Variants in UACA observed in about 807,000 individuals in gnomAD.
The protein encoded by UACA is uveal autoantigen with coiled-coil domains and ankyrin repeats.
UACA carries 112 observed loss-of-function variants against 160.5 expected under a neutral mutation model. The observed-to-expected ratio is 0.70, with a 90% CI of 0.60 to 0.82. UACA has a LOEUF of 0.82. Ranked by LOEUF, UACA falls within the 40% of genes least tolerant of loss-of-function variation. UACA has a pLI of 0.00. For synonymous variants in UACA, 557 were observed against 568.4 expected, an observed-to-expected ratio of 0.98 and a Z score of 0.29; for missense variants, 1,574 against 1,614.6, an observed-to-expected ratio of 0.97 and a Z score of 0.43.
At chr15:70,777,237 T>C in the UACA span, among the ~76,000 whole-genome samples, 1 of 151,998 alleles carries the variant, frequency 6.6e-6, no homozygotes, top group Non-Finnish European at 1.5e-5. Flanking sequence ...TGGAGAGGGT[T>C]GTGGGGAGGA....
At chr15:70,757,825 G>C (rs114266108) in intron 1 of UACA, among the ~76,000 whole-genome samples, 1,663 of 152,250 alleles carry the variant, frequency 0.011, 27 homozygotes, top group African/African-American at 0.039. Flanking sequence ...CTTGGAGTTG[G>C]CTCCAGAGTC....
chr15:70,763,453 G>A lies in UACA; in HGVS notation c.-46C>T. The A allele has an allele frequency of 7.8e-7, 1 of 1,281,916 alleles. No homozygotes were observed. The highest frequency in any genetic ancestry group is 9.9e-7 in the Non-Finnish European group (1 of 1,005,330). 79.4% of individuals were successfully genotyped at this position (1,281,916 alleles called of 1,614,324 possible). On this transcript the variant is annotated 5_prime_UTR_variant, in exon 1 of 19. Coordinates refer to ENST00000322954, the MANE Select transcript of UACA (RefSeq NM_018003.4). ...CCGCGCGAACCTTAAAGGCTGCGGA[G>A]TGCCAGCGCGCAAGGAGTAGACGGC...
At position 70,669,246 on chromosome 15, in the gene UACA, C is replaced by T; in HGVS notation, c.1438G>A (p.Glu480Lys). ...KVAECKALAL[E>K]CERVKEDSDE... is the part of the protein sequence containing the mutation. ...GAATCCTCCTTGACCCTTTCACATT[C>T]TAATGCTAAAGCTTTGCATTCTGCC... Residue 480 changes from glutamate to lysine, a missense_variant, in exon 16 of 19, where the codon GAA (glutamate) becomes AAA (lysine). Physicochemically the swap from Glu to Lys is moderately conservative, Grantham distance 56. Transcript: ENST00000322954. The T allele has an allele frequency of 6.2e-7, 1 of 1,614,076 alleles. No homozygotes were observed. The highest frequency in any genetic ancestry group is 8.5e-7 in the Non-Finnish European group (1 of 1,179,986).
At chr15:70,771,804 C>A in the UACA span, among the ~76,000 whole-genome samples, 1 of 146,954 alleles carries the variant, frequency 6.8e-6, no homozygotes, top group East Asian at 1.9e-4. Context: ...CAGAACACTC[C>A]AGGCAAAGAA....
rs569518309 is a variant in UACA, at chr15:70,703,955, G to A, written c.79-4295C>T. On this transcript the variant is annotated intron_variant, in intron 1 of 18. Transcript: ENST00000322954. ...CAGACCTCTACATCTAAACGGCCCCGTGTCCCACTCTACCCCACCACTCTT... is the reference window on the plus strand; with the variant it reads ...CAGACCTCTACATCTAAACGGCCCCATGTCCCACTCTACCCCACCACTCTT... Among the ~76,000 whole-genome samples, 21 of 152,078 alleles carry A rather than the reference G, an allele frequency of 1.4e-4. No homozygotes were observed. The East Asian group carries it at 3.1e-3, about 22-fold the overall frequency.
At chr15:70,675,546 G>A (rs1040687073) in intron 13 of UACA, among the ~76,000 whole-genome samples, 11 of 152,054 alleles carry the variant, frequency 7.2e-5, no homozygotes, top group African/African-American at 1.9e-4. Flanking sequence ...ACCAAACGGC[G>A]GTCTCTATTC....
intron 17 of UACA, 188 bp from the exon 18 acceptor site, chr15:70,660,404 G>A (rs889537653): frequency 2.9e-5 from 15 of 523,034 alleles, no homozygotes; most frequent in Non-Finnish European, 6.8e-6. Flanking sequence ...CTTCTGTAAA[G>A]AATGTGTGGC....
the UACA span, among the ~76,000 whole-genome samples, chr15:70,772,259 C>T: frequency 2.6e-5 from 4 of 151,754 alleles, no homozygotes; most frequent in Admixed American, 1.3e-4. Context: ...TTTGGGAGGC[C>T]GAGGCGGGTG....
At chr15:70,755,984 C>G (rs2030403488) in intron 1 of UACA, among the ~76,000 whole-genome samples, 1 of 152,160 alleles carries the variant, frequency 6.6e-6, no homozygotes, top group African/African-American at 2.4e-5. Flanking sequence ...TATGTGCCCC[C>G]ACAGCAATTT....
upstream of UACA, among the ~76,000 whole-genome samples, chr15:70,766,672 G>A (rs1339263094): frequency 6.6e-6 from 1 of 152,114 alleles, no homozygotes; most frequent in Non-Finnish European, 1.5e-5. Flanking sequence ...AGTTTAACTG[G>A]ACAATCGCTT....
At chr15:70,678,902 A>T (rs1481065352) in intron 10 of UACA, among the ~76,000 whole-genome samples, 1 of 152,186 alleles carries the variant, frequency 6.6e-6, no homozygotes, top group African/African-American at 2.4e-5. Flanking sequence ...TACATTAATG[A>T]TCATTTTTAA....
At chr15:70,772,153 C>A in the UACA span, among the ~76,000 whole-genome samples, 1 of 152,138 alleles carries the variant, frequency 6.6e-6, no homozygotes, top group Non-Finnish European at 1.5e-5. Flanking sequence ...AGCTGCCTCA[C>A]TGGTAGACTG....
intron 1 of UACA, among the ~76,000 whole-genome samples, chr15:70,738,246 A>C (rs1207122692): frequency 6.6e-6 from 1 of 151,764 alleles, no homozygotes; most frequent in Non-Finnish European, 1.5e-5. Context: ...CTATTATAAT[A>C]ATCTATTAAT....
chr15:70,752,178 C>T (rs1404879319), intron 1 of UACA, among the ~76,000 whole-genome samples: 1 of 144,388 alleles, frequency 6.9e-6, no homozygotes, highest in Non-Finnish European at 1.5e-5. Context: ...GCAGAGGTTG[C>T]GGCGAGCCAA....
chr15:70,738,607 C>CATGGCTTTAAAACATGGTTTTAAAACATG (rs1415901286), intron 1 of UACA, among the ~76,000 whole-genome samples: 2 of 152,118 alleles, frequency 1.3e-5, no homozygotes, highest in East Asian at 3.9e-4. Flanking sequence ...CTTTAATTTT[C>CATGGCTTTAAAACATGGTTTTAAAACATG]ATGGCTTTAA....
Position 70,666,953 on chromosome 15 carries a change from T to C in UACA, c.3731A>G (p.Asn1244Ser), listed in dbSNP as rs527950551. The change falls in exon 16 of 19, where the codon AAT (asparagine) becomes AGT (serine). Residue 1244 changes from asparagine to serine, a missense_variant. By Grantham distance (46) the Asn-to-Ser change is conservative. Transcript: ENST00000322954. ...TCTATTCAGATTGGCCAATTTTTCA[T>C]TTAAGCTAGAAATCTGTGTCTCCAA... ...SDLETQISSL[N>S]EKLANLNRKY... 4.3e-6 allele frequency: 7 copies of C among 1,612,524 alleles called. No homozygotes were observed. In the African/African-American group the frequency reaches 5.3e-5, roughly 12 times the overall value.
At chr15:70,658,696 AC>A (rs938984229) in intron 18 of UACA, among the ~76,000 whole-genome samples, 1 of 151,740 alleles carries the variant, frequency 6.6e-6, no homozygotes, top group Non-Finnish European at 1.5e-5. Flanking sequence ...AAAATACCGC[AC>A]CCCCTCCCAA....
chr15:70,686,848 T>C (rs1264092610), intron 7 of UACA, among the ~76,000 whole-genome samples: 1 of 152,148 alleles, frequency 6.6e-6, no homozygotes, highest in Admixed American at 6.6e-5. Flanking sequence ...AAGGGGTGTG[T>C]TTCAGATACT....
rs1184179132 is a variant in UACA at position 70,678,176 on chromosome 15, C to T, written c.922G>A (p.Glu308Lys). The T allele has an allele frequency of 6.8e-6, 11 of 1,611,314 alleles. No individual in the cohort carries two copies. Among genetic ancestry groups the T allele is most frequent in the Non-Finnish European group, 9.3e-6 (11 of 1,179,338 alleles). The stretch of plus-strand genomic sequence containing the variant: ...TCTTGCTGAATTTTTCTCAACCTCT[C>T]TTTCAAATCTTCATTTTCAATCTCC... ...DLEIENEDLK[E>K]RLRKIQQEQR... Residue 308 changes from glutamate (E) to lysine (K), a missense_variant, in exon 11 of 19, where the codon GAG (glutamate) becomes AAG (lysine). Coordinates refer to ENST00000322954, the MANE Select transcript of UACA (RefSeq NM_018003.4).
Sources: gnomAD v4.1 joint callset for allele counts (sites outside exome capture counted in the v4.1 genomes callset) on GRCh38, gnomAD v4.1.1 for gene constraint, MANE v1.5 for transcripts, NCBI Gene and HGNC (gene_info 2026-07-23, HGNC 2026-07-21) for gene names.